The following ZFHX3 variants were observed in gnomAD, a reference collection of about 807,000 sequenced individuals.
The protein encoded by ZFHX3 is zinc finger homeobox protein 3.
In ZFHX3, 42 loss-of-function variants were observed where a neutral mutation model predicts 279.1. The ratio of observed to expected loss-of-function variants is 0.15; its 90% CI spans 0.12 to 0.19. ZFHX3 has a LOEUF of 0.19. Ranked by LOEUF, ZFHX3 falls within the 10% of genes least tolerant of loss-of-function variation. The pLI is 1.00. For missense variants in ZFHX3, 4,981 were observed against 4,754.0 expected (o/e 1.05, Z -1.40); for synonymous variants, 2,293 against 1,957.8 (o/e 1.17, Z -4.52).
At chr16:72,929,533 A>T (rs1959675655) in intron 3 of ZFHX3, among the ~76,000 whole-genome samples, 1 of 152,354 alleles carries the variant, frequency 6.6e-6, no homozygotes, top group Admixed American at 6.5e-5. Context: ...GGTAGAAATA[A>T]GACTATTTGG....
intron 5 of ZFHX3, among the ~76,000 whole-genome samples, chr16:73,227,848 CAA>C (rs398029895): frequency 6.4e-3 from 295 of 46,028 alleles, no homozygotes; most frequent in African/African-American, 0.018. Context: ...GATTCTGTCT[CAA>C]AAAAAAAAAA....
At chr16:73,848,489 T>C (rs930436563) in intron 1 of ZFHX3, among the ~76,000 whole-genome samples, 9 of 152,224 alleles carry the variant, frequency 5.9e-5, no homozygotes, top group African/African-American at 1.2e-4. Context: ...TCAAACGCAA[T>C]AGACCAAAGG....
At chr16:73,395,118 G>A (rs2017100757) in intron 3 of ZFHX3, among the ~76,000 whole-genome samples, 1 of 152,190 alleles carries the variant, frequency 6.6e-6, no homozygotes, top group Non-Finnish European at 1.5e-5. Flanking sequence ...CTAGAGGGGA[G>A]ATGTCAGGGA....
chr16:73,295,127 A>C (rs1175692626), intron 4 of ZFHX3, among the ~76,000 whole-genome samples: 2 of 152,092 alleles, frequency 1.3e-5, no homozygotes, highest in Non-Finnish European at 2.9e-5. Context: ...AGGCAGGAGA[A>C]TGGCGTGAAC....
intron 1 of ZFHX3, among the ~76,000 whole-genome samples, chr16:73,879,763 T>C (rs555463099): frequency 6.6e-6 from 1 of 152,082 alleles, no homozygotes; most frequent in Non-Finnish European, 1.5e-5. Flanking sequence ...TGGGGCCAGA[T>C]AATTACTGTA....
intron 2 of ZFHX3, among the ~76,000 whole-genome samples, chr16:73,476,400 T>C (rs181704867): frequency 6.6e-6 from 1 of 152,256 alleles, no homozygotes; most frequent in Admixed American, 6.5e-5. Flanking sequence ...ACAAAGAAAC[T>C]CTTCAAAGGT....
intron 3 of ZFHX3, among the ~76,000 whole-genome samples, chr16:72,907,496 C>G (rs2039206162): frequency 6.6e-6 from 1 of 151,642 alleles, no homozygotes; most frequent in Admixed American, 6.6e-5. Flanking sequence ...CCACCCCTGT[C>G]TCCAGCCAGC....
chr16:73,785,950 A>C (rs1959630291), intron 1 of ZFHX3, among the ~76,000 whole-genome samples: 1 of 151,912 alleles, frequency 6.6e-6, no homozygotes, highest in Non-Finnish European at 1.5e-5. Context: ...GGCTCACCAC[A>C]ACCTCCACCT....
chr16:72,816,779 T>A (rs2036619457), intron 5 of ZFHX3, among the ~76,000 whole-genome samples: 1 of 152,188 alleles, frequency 6.6e-6, no homozygotes, highest in African/African-American at 2.4e-5. Flanking sequence ...CCTCTTAGGC[T>A]CCTCTGCATT....
At chr16:73,178,602 T>G (rs969230898) in intron 5 of ZFHX3, among the ~76,000 whole-genome samples, 2 of 152,246 alleles carry the variant, frequency 1.3e-5, no homozygotes, top group Non-Finnish European at 2.9e-5. Context: ...AATTCCACTT[T>G]ATTCATGTTC....
chr16:73,190,723 T>C (rs1179335163), intron 5 of ZFHX3, among the ~76,000 whole-genome samples: 5 of 152,178 alleles, frequency 3.3e-5, no homozygotes, highest in Admixed American at 1.3e-4. Context: ...ACTGATATCA[T>C]GCTTTGAACC....
intron 3 of ZFHX3, among the ~76,000 whole-genome samples, chr16:72,925,279 C>A (rs559693130): frequency 2.0e-5 from 3 of 152,338 alleles, no homozygotes; most frequent in Non-Finnish European, 4.4e-5. Context: ...CCTTGCCCAC[C>A]GTCAATGCAG....
At chr16:73,376,875 A>G (rs138858906) in intron 3 of ZFHX3, among the ~76,000 whole-genome samples, 1 of 152,226 alleles carries the variant, frequency 6.6e-6, no homozygotes, top group Non-Finnish European at 1.5e-5. Flanking sequence ...AGCTGCCAAT[A>G]TATTATGGTA....
At chr16:73,481,464 T>C (rs1338740862) in intron 2 of ZFHX3, among the ~76,000 whole-genome samples, 1 of 152,180 alleles carries the variant, frequency 6.6e-6, no homozygotes, top group East Asian at 1.9e-4. Flanking sequence ...AAAGAGGGTC[T>C]CACTCTATTG....
In ZFHX3 at chr16:72,788,482, G is replaced by A; in HGVS notation, c.9794C>T (p.Pro3265Leu). 6.2e-7 allele frequency: 1 copy of A among 1,614,202 alleles called. No individual in the cohort carries two copies. The highest frequency in any genetic ancestry group is 8.5e-7 in the Non-Finnish European group (1 of 1,180,034). The change falls in exon 10 of 10, where the codon CCC becomes CTC. Residue 3265 changes from proline to leucine, a missense_variant. This residue lies in a region of ZFHX3 where 1,034 missense variants were observed against 786.0 expected (regional missense o/e 1.32). Coordinates refer to ENST00000268489, the MANE Select transcript of ZFHX3 (RefSeq NM_006885.4). ...PVPKKEKGEA[P>L]TATAATISAP... is the part of the protein sequence containing the mutation. ...TGAGATCGTGGCTGCAGTTGCCGTG[G>A]GGGCCTCTCCTTTCTCCTTCTTGGG...
chr16:73,466,739 C>T (rs1310982819), intron 2 of ZFHX3, among the ~76,000 whole-genome samples: 1 of 152,128 alleles, frequency 6.6e-6, no homozygotes. Context: ...CCAGTAGGCA[C>T]CTATGTTGTT....
chr16:73,887,529 C>G (rs934823919), intron 1 of ZFHX3, among the ~76,000 whole-genome samples: 6 of 152,116 alleles, frequency 3.9e-5, no homozygotes, highest in African/African-American at 1.4e-4. Flanking sequence ...AGATGTGTTT[C>G]TGTGAAGTTC....
rs140002827 is a variant in ZFHX3 at position 73,571,789 on chromosome 16, C to T, written c.-1547+108391G>A. Among the ~76,000 whole-genome samples, 131 of 152,240 alleles carry T rather than the reference C, an allele frequency of 8.6e-4. 1 individual carries two copies. The highest frequency in any genetic ancestry group is 2.9e-3 in the African/African-American group (122 of 41,538). ...CACAAATCAAAATGTGTTGCACAAA[C>T]TTCTTTTTGGTTGTCGTGAAAGGGG... On this transcript the variant is annotated intron_variant, in intron 2 of 17. Transcript: ENST00000641206.
rs76239888 is a variant in ZFHX3, at chr16:72,787,039, C to CTTT, written c.*122_*124dup. On this transcript the variant is annotated 3_prime_UTR_variant, in exon 10 of 10. Transcript: ENST00000268489. ...ACAACCCACGCTTTTTCTTTTTTTT[C>CTTT]TTTTTTTTTTTTTTTTTGTTTTTTG... 1,159 of 684,576 alleles carry CTTT rather than the reference C, an allele frequency of 1.7e-3. 3 individuals carry two copies. In the African/African-American group the frequency reaches 0.018, roughly 11 times the overall value. 42.4% of individuals were successfully genotyped at this position (684,576 alleles called of 1,614,324 possible). A position where few individuals can be genotyped will look rare whatever the true frequency, so the allele number is the denominator to read the frequency against.
Sources: allele counts gnomAD v4.1 joint callset (sites outside exome capture counted in the v4.1 genomes callset), GRCh38; gene constraint gnomAD v4.1.1; regional missense constraint gnomAD v4.1.1; transcripts MANE v1.5; gene names NCBI Gene and HGNC (gene_info 2026-07-23, HGNC 2026-07-21).